Variants in CAMKMT observed in about 807,000 individuals in gnomAD.
CAMKMT encodes the protein calmodulin-lysine N-methyltransferase, also known as CaM KMT.
Under a neutral mutation model 48.0 loss-of-function variants are expected in CAMKMT, and 53 were observed. The ratio of observed to expected loss-of-function variants is 1.10; its 90% CI spans 0.89 to 1.39. The LOEUF (loss-of-function observed/expected upper bound fraction) is 1.39. Ranked by LOEUF, CAMKMT falls within the 40% of genes most tolerant of loss-of-function variation. The pLI is 0.00. For missense variants in CAMKMT, 428 were observed against 402.7 expected, an observed-to-expected ratio of 1.06 and a Z score of -0.54; for synonymous variants, 165 against 152.3, an observed-to-expected ratio of 1.08 and a Z score of -0.61.
intron 3 of CAMKMT, among the ~76,000 whole-genome samples, chr2:44,420,025 T>C (rs1274710170): frequency 6.6e-6 from 1 of 152,234 alleles, no homozygotes; most frequent in African/African-American, 2.4e-5. Flanking sequence ...TCATACAAGA[T>C]TGCTGATCGC....
intron 3 of CAMKMT, among the ~76,000 whole-genome samples, chr2:44,598,578 A>G (rs1254385856): frequency 1.3e-5 from 2 of 151,122 alleles, no homozygotes; most frequent in African/African-American, 4.9e-5. Flanking sequence ...CTTTTAGTCT[A>G]TGAAACCTAC....
intron 3 of CAMKMT, among the ~76,000 whole-genome samples, chr2:44,530,729 A>G (rs1204149509): frequency 2.6e-5 from 4 of 152,108 alleles, no homozygotes; most frequent in African/African-American, 4.8e-5. Flanking sequence ...CCTATCTTAT[A>G]TATTAGGGGG....
intron 3 of CAMKMT, among the ~76,000 whole-genome samples, chr2:44,517,250 C>T (rs698785): frequency 0.61 from 92,884 of 151,882 alleles, 29,345 homozygotes; most frequent in Middle Eastern, 0.68. Flanking sequence ...ATGAAGACAA[C>T]GCAAAAATGT....
At chr2:44,683,215 C>CAAA (rs11451906) in intron 3 of CAMKMT, among the ~76,000 whole-genome samples, 152 of 149,330 alleles carry the variant, frequency 1.0e-3, no homozygotes, top group African/African-American at 1.1e-3. Context: ...AAATAGAAAC[C>CAAA]AAAAAAAAAA....
chr2:44,633,447 T>G (rs1234781167), intron 3 of CAMKMT, among the ~76,000 whole-genome samples: 1 of 152,128 alleles, frequency 6.6e-6, no homozygotes, highest in Non-Finnish European at 1.5e-5. Context: ...GGCTCTGTTG[T>G]TTTTCGTTTT....
chr2:44,408,110 C>G (rs1438029937), intron 3 of CAMKMT, among the ~76,000 whole-genome samples: 1 of 151,118 alleles, frequency 6.6e-6, no homozygotes, highest in East Asian at 1.9e-4. Flanking sequence ...ACTGCAACCT[C>G]CACCTCCCAG....
intron 6 of CAMKMT, among the ~76,000 whole-genome samples, chr2:44,710,265 CAG>C (rs1445012006): frequency 6.6e-6 from 1 of 152,098 alleles, no homozygotes; most frequent in East Asian, 1.9e-4. Flanking sequence ...TAAAATGTAT[CAG>C]ATGGATTGCC....
At chr2:44,424,049 T>A (rs1466648732) in intron 3 of CAMKMT, among the ~76,000 whole-genome samples, 1 of 152,178 alleles carries the variant, frequency 6.6e-6, no homozygotes, top group Non-Finnish European at 1.5e-5. Context: ...ACTATGCAAA[T>A]TACATTCATT....
chr2:44,607,811 T>C (rs1369511913), intron 3 of CAMKMT, among the ~76,000 whole-genome samples: 1 of 152,130 alleles, frequency 6.6e-6, no homozygotes, highest in East Asian at 1.9e-4. Context: ...GTGTTATATA[T>C]GCTCATTACT....
At chr2:44,669,393 G>A (rs1316951201) in intron 3 of CAMKMT, among the ~76,000 whole-genome samples, 3 of 152,222 alleles carry the variant, frequency 2.0e-5, no homozygotes, top group African/African-American at 7.2e-5. Context: ...GGACATCCTC[G>A]TACTTGGCTC....
intron 3 of CAMKMT, among the ~76,000 whole-genome samples, chr2:44,415,359 A>C (rs1021075887): frequency 4.6e-5 from 7 of 152,178 alleles, no homozygotes; most frequent in African/African-American, 1.7e-4. Context: ...TACAGAGGAT[A>C]ATTTTGTTTG....
At chr2:44,483,098 A>G (rs1669054231) in intron 3 of CAMKMT, among the ~76,000 whole-genome samples, 1 of 152,146 alleles carries the variant, frequency 6.6e-6, no homozygotes, top group Admixed American at 6.5e-5. Flanking sequence ...ATAAAAATAC[A>G]CTAAAGGCTC....
At chr2:44,605,452 A>C (rs1671231074) in intron 3 of CAMKMT, among the ~76,000 whole-genome samples, 1 of 152,126 alleles carries the variant, frequency 6.6e-6, no homozygotes, top group Admixed American at 6.6e-5. Context: ...TGGCAGATGG[A>C]ATCACACTGC....
At chr2:44,551,217 G>C (rs527823204) in intron 3 of CAMKMT, among the ~76,000 whole-genome samples, 1 of 152,044 alleles carries the variant, frequency 6.6e-6, no homozygotes, top group Non-Finnish European at 1.5e-5. Flanking sequence ...AACTGGATAC[G>C]GGGCTTTACA....
At chr2:44,650,298 G>A (rs997822379) in intron 3 of CAMKMT, among the ~76,000 whole-genome samples, 1 of 152,114 alleles carries the variant, frequency 6.6e-6, no homozygotes, top group South Asian at 2.1e-4. Flanking sequence ...CTCTCCCTGG[G>A]TGTCTCTCTG....
At chr2:44,671,410 C>T (rs1675318258) in intron 3 of CAMKMT, among the ~76,000 whole-genome samples, 1 of 152,180 alleles carries the variant, frequency 6.6e-6, no homozygotes, top group Non-Finnish European at 1.5e-5. Flanking sequence ...AATTAAATTA[C>T]AATATTTAAG....
chr2:44,652,354 C>T (rs1341409164), intron 3 of CAMKMT, among the ~76,000 whole-genome samples: 1 of 152,176 alleles, frequency 6.6e-6, no homozygotes, highest in Non-Finnish European at 1.5e-5. Flanking sequence ...ATCATTAGCC[C>T]TGTTCCTTGT....
intron 3 of CAMKMT, among the ~76,000 whole-genome samples, chr2:44,498,057 A>T (rs995149541): frequency 6.6e-6 from 1 of 152,200 alleles, no homozygotes; most frequent in Non-Finnish European, 1.5e-5. Context: ...AGCATTTTGT[A>T]CAAGAGTTTG....
At chr2:44,490,495 G>A (rs968700804) in intron 3 of CAMKMT, among the ~76,000 whole-genome samples, 2 of 151,940 alleles carry the variant, frequency 1.3e-5, no homozygotes, top group Admixed American at 6.6e-5. Flanking sequence ...GGCTGGTCTC[G>A]AACTCCCGAC....
Sources: gnomAD v4.1 joint callset for allele counts (sites outside exome capture counted in the v4.1 genomes callset) on GRCh38, gnomAD v4.1.1 for gene constraint, MANE v1.5 for transcripts, NCBI Gene and HGNC (gene_info 2026-07-23, HGNC 2026-07-21) for gene names.